ZNF827: variants seen among roughly 807,000 people sequenced by gnomAD.
The protein encoded by ZNF827 is zinc finger protein 827.
A neutral mutation model predicts 102.4 loss-of-function variants in ZNF827; 13 were observed. The observed-to-expected ratio is 0.13, with a 90% CI of 0.08 to 0.20. The LOEUF (loss-of-function observed/expected upper bound fraction) is 0.20, where lower values mean the gene tolerates loss of function less well. ZNF827 is among the 10% of genes least tolerant of loss of function. The pLI is 1.00. For missense variants in ZNF827, 1,103 were observed against 1,344.4 expected, an observed-to-expected ratio of 0.82 and a Z score of 2.81; for synonymous variants, 523 against 536.2, an observed-to-expected ratio of 0.98 and a Z score of 0.34.
intron 4 of ZNF827, among the ~76,000 whole-genome samples, chr4:145,883,594 G>A (rs1749861082): frequency 6.6e-6 from 1 of 152,180 alleles, no homozygotes; most frequent in Non-Finnish European, 1.5e-5. Context: ...CCCAGCAGAA[G>A]CCATGCATCA....
chr4:145,813,498 T>C (rs1048707730), intron 8 of ZNF827, among the ~76,000 whole-genome samples: 1 of 146,462 alleles, frequency 6.8e-6, no homozygotes, highest in Non-Finnish European at 1.5e-5. Context: ...AGGCCTCCAC[T>C]AGGGGTCCGG....
In ZNF827 at chr4:145,765,773, A is replaced by C. The variant is rs1225895263; in HGVS notation, c.2861-35T>G. Reference sequence around the variant, plus strand: ...AAGCAAATAACCCAGTCTGTTAATGAGATGAAAATCCTCAGAATTATAGCA... The same window carrying C: ...AAGCAAATAACCCAGTCTGTTAATGCGATGAAAATCCTCAGAATTATAGCA... On this transcript the variant is annotated intron_variant, in intron 11 of 14. Transcript: ENST00000508784. The surrounding 1 kb of genome is among the most constrained non-coding windows in gnomAD (Gnocchi z 4.7). 5.0e-6 allele frequency: 8 copies of C among 1,595,480 alleles called. No individual in the cohort carries two copies. Among genetic ancestry groups the C allele is most frequent in the Non-Finnish European group, 6.8e-6 (8 of 1,169,718 alleles).
At chr4:145,876,888 C>A (rs1749191720) in intron 4 of ZNF827, 2 of 152,160 alleles carry the variant, frequency 1.3e-5, no homozygotes, top group South Asian at 4.1e-4. Flanking sequence ...TGTTAAAAAT[C>A]TGTTCCCATT....
intron 1 of ZNF827, among the ~76,000 whole-genome samples, chr4:145,905,043 G>A (rs1262949426): frequency 1.3e-5 from 2 of 152,180 alleles, no homozygotes; most frequent in African/African-American, 4.8e-5. Context: ...TTTTATTGCA[G>A]AGCCAACATT....
Position 145,870,264 on chromosome 4 carries a change from T to C in ZNF827, c.1962A>G (p.Glu654=). 2 of 1,613,968 alleles carry C rather than the reference T, an allele frequency of 1.2e-6. No individual in the cohort carries two copies. Among genetic ancestry groups the C allele is most frequent in the Non-Finnish European group, 1.7e-6 (2 of 1,179,914 alleles). ...AAGTACCTGAGAGTTTCATGAGAAG[T>C]TCAGAGGCTGCTTTGACTGACACAT... ...RRDVSVKAAS[E]LLMKLSAESY... The change falls in exon 5 of 15, where the codon GAA becomes GAG. Residue 654 remains glutamate (E), a synonymous_variant. Coordinates refer to ENST00000508784, the MANE Select transcript of ZNF827 (RefSeq NM_001306215.2).
chr4:145,911,385 T>C (rs1456294145), intron 1 of ZNF827, among the ~76,000 whole-genome samples: 4 of 152,214 alleles, frequency 2.6e-5, no homozygotes, highest in Non-Finnish European at 5.9e-5. Context: ...TGGAGAAACA[T>C]GTACCGTGTT....
chr4:145,856,947 C>T (rs1159706576), intron 5 of ZNF827, among the ~76,000 whole-genome samples: 2 of 148,738 alleles, frequency 1.3e-5, no homozygotes, highest in Admixed American at 6.7e-5. Flanking sequence ...TTCTGTATGC[C>T]TCCTCCTTCT....
At chr4:145,901,292 C>T (rs951859319) in intron 2 of ZNF827, among the ~76,000 whole-genome samples, 4 of 152,206 alleles carry the variant, frequency 2.6e-5, no homozygotes, top group African/African-American at 9.6e-5. Context: ...GAAACCCCAA[C>T]ACGCATCCCA....
intron 8 of ZNF827, among the ~76,000 whole-genome samples, chr4:145,800,807 A>T (rs1169307773): frequency 6.6e-6 from 1 of 152,194 alleles, no homozygotes; most frequent in Non-Finnish European, 1.5e-5. Context: ...GTAACACCAG[A>T]CACTGCCAAA....
At chr4:145,811,996 C>T (rs1280322747) in intron 8 of ZNF827, among the ~76,000 whole-genome samples, 1 of 152,012 alleles carries the variant, frequency 6.6e-6, no homozygotes, top group African/African-American at 2.4e-5. Flanking sequence ...CTCACTGCAA[C>T]CTCCACCTCC....
intron 7 of ZNF827, among the ~76,000 whole-genome samples, chr4:145,843,769 AC>A (rs1745652217): frequency 6.6e-6 from 1 of 152,002 alleles, no homozygotes; most frequent in Non-Finnish European, 1.5e-5. Context: ...CCCCATTGGA[AC>A]CCCCTAACAT....
At chr4:145,844,693 TAAA>T (rs1469540378) in intron 7 of ZNF827, among the ~76,000 whole-genome samples, 17 of 130,432 alleles carry the variant, frequency 1.3e-4, no homozygotes, top group African/African-American at 5.0e-4. Context: ...AATAAATAAA[TAAA>T]TAAATAAATA....
At chr4:145,857,390 T>A (rs1179720212) in intron 5 of ZNF827, among the ~76,000 whole-genome samples, 1 of 152,242 alleles carries the variant, frequency 6.6e-6, no homozygotes, top group African/African-American at 2.4e-5. Flanking sequence ...TATCATTTTC[T>A]ACAAGATCAA....
At chr4:145,819,335 G>A (rs1742916056) in intron 8 of ZNF827, among the ~76,000 whole-genome samples, 1 of 152,124 alleles carries the variant, frequency 6.6e-6, no homozygotes, top group Non-Finnish European at 1.5e-5. Flanking sequence ...AACATACTGT[G>A]ACTTCAAATC....
At chr4:145,779,554 G>A (rs1737643757) in intron 8 of ZNF827, 43 bp from the exon 9 acceptor site, 6 of 1,597,454 alleles carry the variant, frequency 3.8e-6, no homozygotes, top group Non-Finnish European at 5.1e-6. Context: ...AAGGCAACAA[G>A]AATACATTTT....
At position 145,779,358 on chromosome 4, in the gene ZNF827, G is replaced by C. The variant is rs1737611864; in HGVS notation, c.2521+16C>G. 1 of 1,613,064 alleles carries C rather than the reference G, an allele frequency of 6.2e-7. No individual in the cohort carries two copies. Among genetic ancestry groups the C allele is most frequent in the Non-Finnish European group, 8.5e-7 (1 of 1,179,568 alleles). On this transcript the variant is annotated intron_variant, in intron 9 of 14. Transcript: ENST00000508784. ...TGGAGCATAGAGGGCTGACAGCCCA[G>C]GCCCTACTCACTCACCTGTGTGCAG...
intron 7 of ZNF827, among the ~76,000 whole-genome samples, chr4:145,839,871 G>A (rs577921254): frequency 6.6e-6 from 1 of 152,350 alleles, no homozygotes; most frequent in East Asian, 1.9e-4. Flanking sequence ...GAAATGAAAA[G>A]AAAGGCACAG....
At chr4:145,903,347 C>G in intron 1 of ZNF827, 132 bp from the exon 2 acceptor site, 1 of 1,431,280 alleles carries the variant, frequency 7.0e-7, no homozygotes. Flanking sequence ...TGGCAACAGC[C>G]TTAACAGAAT....
chr4:145,909,959 G>GA (rs1752156602), intron 1 of ZNF827, among the ~76,000 whole-genome samples: 1 of 152,108 alleles, frequency 6.6e-6, no homozygotes, highest in Non-Finnish European at 1.5e-5. Context: ...TCGAAACACG[G>GA]ATGTCCAGGA....
Sources: allele counts gnomAD v4.1 joint callset (sites outside exome capture counted in the v4.1 genomes callset), GRCh38; gene constraint gnomAD v4.1.1; non-coding constraint Gnocchi (gnomAD v3.1); transcripts MANE v1.5; gene names NCBI Gene and HGNC (gene_info 2026-07-23, HGNC 2026-07-21).